The following ZFHX4 variants were observed in gnomAD, a reference collection of about 807,000 sequenced individuals.
ZFHX4 encodes zinc finger homeobox protein 4.
ZFHX4 carries 56 observed loss-of-function variants against 267.6 expected under a neutral mutation model. The observed-to-expected ratio is 0.21, with a 90% CI of 0.17 to 0.26. The LOEUF is 0.26. Ranked by LOEUF, ZFHX4 falls within the 10% of genes least tolerant of loss-of-function variation. ZFHX4 has a pLI of 1.00. For missense variants in ZFHX4, 4,332 were observed against 4,420.0 expected (o/e 0.98, Z 0.56); for synonymous variants, 1,778 against 1,665.6 (o/e 1.07, Z -1.64).
At position 76,705,578 on chromosome 8, in the gene ZFHX4, A is replaced by G; in HGVS notation, c.1490A>G (p.Asn497Ser). 6.2e-7 allele frequency: 1 copy of G among 1,613,730 alleles called. No homozygotes were observed. The highest frequency in any genetic ancestry group is 1.1e-5 in the South Asian group (1 of 91,006). ...VLGELTDSIG[N>S]KDFPLLNQSI... ...GGTGAACTCACCGATAGTATTGGTAACAAAGATTTCCCTCTCTTAAACCAA... is the reference window on the plus strand; with the variant it reads ...GGTGAACTCACCGATAGTATTGGTAGCAAAGATTTCCCTCTCTTAAACCAA... Residue 497 changes from asparagine to serine, a missense_variant, in exon 2 of 11, where the codon AAC becomes AGC. Around this residue, in one of 7 missense-constraint regions of ZFHX4, gnomAD observed 1,195 missense variants for 1,173.6 expected, o/e 1.02. Coordinates refer to ENST00000651372, the MANE Select transcript of ZFHX4 (RefSeq NM_024721.5).
chr8:76,733,959 T>G (rs1416105756), intron 3 of ZFHX4, among the ~76,000 whole-genome samples: 1 of 152,162 alleles, frequency 6.6e-6, no homozygotes. Flanking sequence ...AATGATCACC[T>G]ATTAGAGGAT....
At chr8:76,861,542 T>C (rs1812867345) in intron 10 of ZFHX4, among the ~76,000 whole-genome samples, 1 of 151,856 alleles carries the variant, frequency 6.6e-6, no homozygotes, top group Non-Finnish European at 1.5e-5. Context: ...TGTAGCAAAG[T>C]TAAAAAGAGG....
chr8:76,847,712 CTATCCACAGTTGAAATAGA>C (rs1476936250), intron 6 of ZFHX4, among the ~76,000 whole-genome samples: 1 of 152,050 alleles, frequency 6.6e-6, no homozygotes, highest in Non-Finnish European at 1.5e-5. Context: ...ACATGCATCT[CTATCCACAGTTGAAATAGA>C]ATGTATTTTT....
At chr8:76,804,829 G>A (rs1484206152) in intron 4 of ZFHX4, among the ~76,000 whole-genome samples, 2 of 152,094 alleles carry the variant, frequency 1.3e-5, no homozygotes, top group Non-Finnish European at 2.9e-5. Flanking sequence ...TGTGGAGAAG[G>A]ATCCCAAAGT....
At position 76,742,154 on chromosome 8, in the gene ZFHX4, G is replaced by A. The variant is rs565932157; in HGVS notation, c.3093+34106G>A. 3.3e-5 allele frequency among the ~76,000 whole-genome samples: 5 copies of A among 152,286 alleles called. No homozygotes were observed. The South Asian group carries it at 1.0e-3, about 32-fold the overall frequency. ...TGAAGGCATTGTGTGTTAAGTAGTG[G>A]TTAGAAAAAGGACGTTTGGATGGTG... is the stretch of plus-strand genomic sequence containing the variant. On this transcript the variant is annotated intron_variant, in intron 3 of 10. Transcript: ENST00000651372.
At chr8:76,846,139 G>C (rs1812358706) in intron 6 of ZFHX4, among the ~76,000 whole-genome samples, 1 of 151,958 alleles carries the variant, frequency 6.6e-6, no homozygotes, top group Non-Finnish European at 1.5e-5. Flanking sequence ...TAATTTACCA[G>C]GGATGCCATA....
chr8:76,806,809 T>C (rs1418441925), intron 4 of ZFHX4, among the ~76,000 whole-genome samples: 1 of 152,114 alleles, frequency 6.6e-6, no homozygotes, highest in Non-Finnish European at 1.5e-5. Flanking sequence ...TTTCGGTCCT[T>C]GCAAGCCAAT....
intron 3 of ZFHX4, among the ~76,000 whole-genome samples, chr8:76,766,501 T>C (rs1030506682): frequency 1.3e-5 from 2 of 152,120 alleles, no homozygotes; most frequent in Non-Finnish European, 2.9e-5. Flanking sequence ...AAATATCCAA[T>C]TTCAGTTATT....
intron 4 of ZFHX4, among the ~76,000 whole-genome samples, chr8:76,805,338 G>C (rs944676259): frequency 1.3e-5 from 2 of 152,052 alleles, no homozygotes; most frequent in African/African-American, 2.4e-5. Flanking sequence ...AAATGAGGTT[G>C]TTGTAAAGGA....
At chr8:76,791,753 T>C (rs1361771752) in intron 4 of ZFHX4, among the ~76,000 whole-genome samples, 1 of 152,154 alleles carries the variant, frequency 6.6e-6, no homozygotes, top group Non-Finnish European at 1.5e-5. Context: ...GTGAAGGTTG[T>C]AGCATAAATT....
At chr8:76,768,646 G>A (rs983059274) in intron 3 of ZFHX4, among the ~76,000 whole-genome samples, 3 of 152,136 alleles carry the variant, frequency 2.0e-5, no homozygotes, top group Non-Finnish European at 4.4e-5. Flanking sequence ...AGGACTAAAA[G>A]GACGGATGAT....
chr8:76,748,478 A>G (rs898408658), intron 3 of ZFHX4, among the ~76,000 whole-genome samples: 1 of 152,192 alleles, frequency 6.6e-6, no homozygotes, highest in Non-Finnish European at 1.5e-5. Context: ...CGCTGTCCTC[A>G]GGCCAGAGTG....
intron 4 of ZFHX4, among the ~76,000 whole-genome samples, chr8:76,798,244 T>C (rs761425656): frequency 1.4e-4 from 22 of 152,172 alleles, no homozygotes; most frequent in Non-Finnish European, 3.1e-4. Flanking sequence ...TTTCTCTTTG[T>C]TTTCATTTTT....
At chr8:76,764,073 T>C (rs568738165) in intron 3 of ZFHX4, among the ~76,000 whole-genome samples, 3 of 152,238 alleles carry the variant, frequency 2.0e-5, no homozygotes, top group Admixed American at 1.3e-4. Context: ...GCAACAGGGG[T>C]CCTCTCTTAG....
chr8:76,863,186 T>G lies in ZFHX4; in HGVS notation c.9472T>G (p.Leu3158Val), dbSNP rs1007765039. ...LSLSSAPTKPLLQTPPPPPPP... is the reference protein window; with the variant it reads ...LSLSSAPTKPVLQTPPPPPPP... ...TCTCAGCAGTGCCCCCACCAAACCT[T>G]TGCTGCAGACTCCACCACCTCCACC... is the stretch of plus-strand genomic sequence containing the variant. The change falls in exon 11 of 11, where the codon TTG (leucine) becomes GTG (valine). Residue 3158 changes from leucine (L) to valine (V), a missense_variant. By Grantham distance (32) the Leu-to-Val change is conservative (BLOSUM62 1). This residue lies in a region of ZFHX4 where 1,648 missense variants were observed against 1,625.0 expected (regional missense o/e 1.01). Transcript: ENST00000651372. The G allele has an allele frequency of 6.4e-7, 1 of 1,559,794 alleles. No homozygotes were observed. The highest frequency in any genetic ancestry group is 8.7e-7 in the Non-Finnish European group (1 of 1,151,494).
chr8:76,755,430 T>A (rs966844583), intron 3 of ZFHX4, among the ~76,000 whole-genome samples: 32 of 152,194 alleles, frequency 2.1e-4, no homozygotes, highest in Non-Finnish European at 2.6e-4. Context: ...TTTCCTCTTT[T>A]TGACTATTAG....
chr8:76,692,751 T>G (rs933852398), intron 1 of ZFHX4, among the ~76,000 whole-genome samples: 12 of 152,184 alleles, frequency 7.9e-5, no homozygotes, highest in Non-Finnish European at 1.6e-4. Context: ...AAGATACACA[T>G]TTAAAATTAT....
intron 1 of ZFHX4, among the ~76,000 whole-genome samples, chr8:76,692,830 G>A (rs1807858245): frequency 1.3e-5 from 2 of 151,838 alleles, no homozygotes; most frequent in East Asian, 1.9e-4. Context: ...TTTGATTATT[G>A]TTTAATATTT....
intron 3 of ZFHX4, among the ~76,000 whole-genome samples, chr8:76,734,304 G>A (rs1303075908): frequency 6.6e-6 from 1 of 152,158 alleles, no homozygotes; most frequent in Non-Finnish European, 1.5e-5. Context: ...TTCTGCACCA[G>A]TGAGGCCGTG....
Sources: gnomAD v4.1 joint callset for allele counts (sites outside exome capture counted in the v4.1 genomes callset) on GRCh38, gnomAD v4.1.1 for gene constraint, gnomAD v4.1.1 regional missense constraint, MANE v1.5 for transcripts, NCBI Gene and HGNC (gene_info 2026-07-23, HGNC 2026-07-21) for gene names.